SETD1B: variants seen among roughly 807,000 people sequenced by gnomAD.
SETD1B encodes the protein SET domain containing 1B, histone lysine methyltransferase, also known as histone-lysine N-methyltransferase SETD1B.
Under a neutral mutation model 148.0 loss-of-function variants are expected in SETD1B, and 7 were observed. The ratio of observed to expected loss-of-function variants is 0.05; its 90% CI spans 0.03 to 0.09. The LOEUF (loss-of-function observed/expected upper bound fraction) is 0.09. SETD1B is among the 10% of genes least tolerant of loss of function. SETD1B has a pLI of 1.00. For missense variants in SETD1B, 2,155 were observed against 2,729.9 expected (o/e 0.79, Z 4.69); for synonymous variants, 1,361 against 1,186.5 (o/e 1.15, Z -3.02).
rs1269243949 is a variant in SETD1B at position 121,831,406 on chromosome 12, T to TC, written c.*1170dup. The TC allele has an allele frequency of 6.6e-6, 1 of 151,742 alleles. No individual in the cohort carries two copies. The highest frequency in any genetic ancestry group is 2.4e-5 in the African/African-American group (1 of 41,308). The allele number at this position is 151,742 out of a possible 1,614,324, so 9.4% of individuals were successfully genotyped here. A position where few individuals can be genotyped will look rare whatever the true frequency, so the allele number is the denominator to read the frequency against. On this transcript the variant is annotated 3_prime_UTR_variant, in exon 17 of 17. Transcript: ENST00000604567. ...AATCTAAGCCTTGACGGTTTTTTTT[T>TC]CCCTTTTGACCCCCTTCCCATCTCT... is the stretch of plus-strand genomic sequence containing the variant.
chr12:121,822,535 TGCC>T lies in SETD1B; in HGVS notation c.3959_3961del (p.Pro1320del), dbSNP rs1170500328. ...CCGGAGCCCCCTATGATGCTCCCCTTGCCGCTGCAACCACCATTGCCGCCCCCA... is the reference window on the plus strand; with the variant it reads ...CCGGAGCCCCCTATGATGCTCCCCTTGCTGCAACCACCATTGCCGCCCCCA... On this transcript the variant is annotated inframe_deletion, in exon 12 of 17. Transcript: ENST00000604567. The T allele has an allele frequency of 6.4e-7, 1 of 1,550,738 alleles. No individual in the cohort carries two copies. Among genetic ancestry groups the T allele is most frequent in the South Asian group, 1.2e-5 (1 of 83,942 alleles).
In SETD1B at chr12:121,814,599, C is replaced by G; in HGVS notation, c.2384C>G (p.Pro795Arg). Residue 795 changes from proline to arginine, a missense_variant, in exon 7 of 17, where the codon CCG becomes CGG. Around this residue, in one of 11 missense-constraint regions of SETD1B, gnomAD observed 289 missense variants for 423.7 expected, o/e 0.68. Coordinates refer to ENST00000604567, the MANE Select transcript of SETD1B (RefSeq NM_001353345.2). Reference protein sequence around the residue: ...LMTGQGACPYPPFMAAAAAAA... With the variant: ...LMTGQGACPYRPFMAAAAAAA... ...ACGGGCCAGGGCGCCTGCCCCTACC[C>G]GCCCTTCATGGCCGCTGCGGCCGCC... 1 of 1,536,728 alleles carries G rather than the reference C, an allele frequency of 6.5e-7. No homozygotes were observed. Among genetic ancestry groups the G allele is most frequent in the South Asian group, 1.2e-5 (1 of 82,844 alleles).
chr12:121,806,110 G>A lies in SETD1B; in HGVS notation c.544+5G>A. On this transcript the variant is annotated splice_donor_5th_base_variant and intron_variant, in intron 4 of 16. Coordinates refer to ENST00000604567, the MANE Select transcript of SETD1B (RefSeq NM_001353345.2). ...ACGTGGAGCTGGACACCAAAGGTGA[G>A]CCTGGCAGGGGAGGAGCGTGGGGAG... The A allele has an allele frequency of 6.4e-7, 1 of 1,550,658 alleles. No homozygotes were observed. Among genetic ancestry groups the A allele is most frequent in the Non-Finnish European group, 8.7e-7 (1 of 1,146,202 alleles).
At chr12:121,809,107 C>T (rs969297170) in intron 5 of SETD1B, among the ~76,000 whole-genome samples, 5 of 152,162 alleles carry the variant, frequency 3.3e-5, no homozygotes, top group African/African-American at 1.2e-4. Context: ...CTCCTGACCT[C>T]AAGTGATCCA....
At position 121,823,310 on chromosome 12, in the gene SETD1B, G is replaced by A. The variant is rs984689554; in HGVS notation, c.4731G>A (p.Ala1577=). 15 of 1,547,220 alleles carry A rather than the reference G, an allele frequency of 9.7e-6. No individual in the cohort carries two copies. The highest frequency in any genetic ancestry group is 9.6e-5 in the African/African-American group (7 of 72,760). ...CGGTGACCCTGGACTTCCGGAACGCGGGGATCCCAGCCCCTCCACCACCCC... is the reference window on the plus strand; with the variant it reads ...CGGTGACCCTGGACTTCCGGAACGCAGGGATCCCAGCCCCTCCACCACCCC... ...PRTVTLDFRN[A]GIPAPPPPLP... The change falls in exon 12 of 17, where the codon GCG becomes GCA. Residue 1577 remains alanine (A), a synonymous_variant. Coordinates refer to ENST00000604567, the MANE Select transcript of SETD1B (RefSeq NM_001353345.2).
At chr12:121,797,502 C>CAG in the SETD1B span, 13 of 456,500 alleles carry the variant, frequency 2.8e-5, no homozygotes, top group South Asian at 1.9e-4. Context: ...GGGACCAAAG[C>CAG]AGAGAGAGAG....
At chr12:121,793,884 C>A in the SETD1B span, 1 of 375,238 alleles carries the variant, frequency 2.7e-6, no homozygotes, top group Non-Finnish European at 4.7e-6. Flanking sequence ...AGCAAAGCTC[C>A]CACCCCCAAC....
At chr12:121,798,310 G>A in the SETD1B span, among the ~76,000 whole-genome samples, 12 of 152,334 alleles carry the variant, frequency 7.9e-5, 1 homozygote, top group Admixed American at 7.8e-4. Context: ...CACTCCAGAG[G>A]AGAACCGCGT....
intron 13 of SETD1B, among the ~76,000 whole-genome samples, chr12:121,827,292 C>T (rs1040118780): frequency 6.6e-6 from 1 of 152,110 alleles, no homozygotes; most frequent in African/African-American, 2.4e-5. Flanking sequence ...AAAGACAGCG[C>T]CAGGCAAGAG....
intron 4 of SETD1B, 127 bp downstream of exon 4, chr12:121,806,232 C>T: frequency 9.7e-7 from 1 of 1,035,996 alleles, no homozygotes; most frequent in Non-Finnish European, 1.4e-6. Flanking sequence ...AACCTTATTT[C>T]TTAGCCCCCT....
Position 121,804,131 on chromosome 12 carries a change from GCC to G in SETD1B, c.-111_-110del, listed in dbSNP as rs897016947. The G allele has an allele frequency of 6.6e-6, 1 of 151,016 alleles. No homozygotes were observed. Among genetic ancestry groups the G allele is most frequent in the Non-Finnish European group, 1.5e-5 (1 of 67,870 alleles). The allele number at this position is 151,016 out of a possible 1,614,324, so 9.4% of individuals were successfully genotyped here. A position where few individuals can be genotyped will look rare whatever the true frequency, so the allele number is the denominator to read the frequency against. ...CGGGCCCGGCAGCCGCGGCGGCGGCGCCCCCCCTTCCTGGCCCCCGGTCCGGC... is the reference window on the plus strand; with the variant it reads ...CGGGCCCGGCAGCCGCGGCGGCGGCGCCCCCTTCCTGGCCCCCGGTCCGGC... On this transcript the variant is annotated 5_prime_UTR_variant, in exon 1 of 17. The change abolishes the stop of an existing upstream ORF in the 5' untranslated region. Coordinates refer to ENST00000604567, the MANE Select transcript of SETD1B (RefSeq NM_001353345.2). The surrounding 1 kb of genome is among the most constrained non-coding windows in gnomAD (Gnocchi z 4.6).
chr12:121,821,475 C>T (rs990377943), intron 11 of SETD1B, among the ~76,000 whole-genome samples: 3 of 148,150 alleles, frequency 2.0e-5, no homozygotes, highest in African/African-American at 5.0e-5. Context: ...ATGTGCCGGG[C>T]GCGGTGGCTC....
At chr12:121,826,060 ATTAT>A (rs753297442) in intron 13 of SETD1B, among the ~76,000 whole-genome samples, 145 of 152,174 alleles carry the variant, frequency 9.5e-4, no homozygotes, top group Non-Finnish European at 1.5e-3. Context: ...GTGGAATTTA[ATTAT>A]TTATTTTTAT....
Position 121,822,563 on chromosome 12 carries a change from ACGACCACCC to A in SETD1B, c.3987_3995del (p.Arg1332_Pro1334del). 2.6e-6 allele frequency: 4 copies of A among 1,549,712 alleles called. No homozygotes were observed. Among genetic ancestry groups the A allele is most frequent in the Non-Finnish European group, 3.5e-6 (4 of 1,146,314 alleles). ...CGCTGCAACCACCATTGCCGCCCCC[ACGACCACCC>A]CGGCCACCCAGCCCACCGCCGGAGC... On this transcript the variant is annotated inframe_deletion, in exon 12 of 17. Transcript: ENST00000604567.
In SETD1B at chr12:121,823,038, CCCG is replaced by C; in HGVS notation, c.4463_4465del (p.Ala1488del). ...TCCCCTGCCCTTGCCCTTGGCATTG[CCCG>C]CCGTCTTGCGGGCCCAGGCTCGTGC... On this transcript the variant is annotated inframe_deletion, in exon 12 of 17. Transcript: ENST00000604567. 6.6e-7 allele frequency: 1 copy of C among 1,515,618 alleles called. No homozygotes were observed. Among genetic ancestry groups the C allele is most frequent in the Non-Finnish European group, 8.8e-7 (1 of 1,132,548 alleles). The allele number at this position is 1,515,618 out of a possible 1,614,324, so 93.9% of individuals were successfully genotyped here.
intron 7 of SETD1B, among the ~76,000 whole-genome samples, chr12:121,816,053 C>G (rs572659782): frequency 3.2e-4 from 48 of 152,160 alleles, no homozygotes; most frequent in African/African-American, 1.1e-3. Flanking sequence ...GTCTCGAACT[C>G]CTGACCTCAA....
chr12:121,826,483 C>T (rs931406982), intron 13 of SETD1B, among the ~76,000 whole-genome samples: 3 of 152,142 alleles, frequency 2.0e-5, no homozygotes, highest in African/African-American at 7.2e-5. Context: ...AGGACAGCAG[C>T]AGTGCAAAGG....
intron 10 of SETD1B, among the ~76,000 whole-genome samples, chr12:121,818,140 G>A (rs976149990): frequency 6.6e-6 from 1 of 152,182 alleles, no homozygotes; most frequent in African/African-American, 2.4e-5. Context: ...TGGGGAGCCC[G>A]GTGTTCAGGG....
the SETD1B span, chr12:121,797,285 C>CT: frequency 2.7e-6 from 1 of 376,736 alleles, no homozygotes; most frequent in African/African-American, 2.1e-5. Context: ...AAGGCAAGTC[C>CT]TGCCACCTCC....
Sources: allele counts gnomAD v4.1 joint callset (sites outside exome capture counted in the v4.1 genomes callset), GRCh38; gene constraint gnomAD v4.1.1; regional missense constraint gnomAD v4.1.1; non-coding constraint Gnocchi (gnomAD v3.1); transcripts MANE v1.5; gene names NCBI Gene and HGNC (gene_info 2026-07-23, HGNC 2026-07-21).